CNTN5: variants seen among roughly 807,000 people sequenced by gnomAD.
CNTN5 encodes contactin 5.
In CNTN5, 77 loss-of-function variants were observed where a neutral mutation model predicts 129.1. The observed-to-expected ratio is 0.60, with a 90% CI of 0.50 to 0.72. The LOEUF is 0.72. CNTN5 is among the 30% of genes least tolerant of loss of function. CNTN5 has a pLI of 0.00. For synonymous variants in CNTN5, 509 were observed against 465.6 expected (o/e 1.09, Z -1.20); for missense variants, 1,478 against 1,328.8 (o/e 1.11, Z -1.75).
chr11:99,481,407 T>C (rs1013565471), intron 2 of CNTN5, among the ~76,000 whole-genome samples: 2 of 152,162 alleles, frequency 1.3e-5, no homozygotes, highest in African/African-American at 4.8e-5. Flanking sequence ...ATTTTGTTTT[T>C]GTTCTGTTTT....
At chr11:99,137,808 A>G (rs1397384056) in intron 1 of CNTN5, among the ~76,000 whole-genome samples, 3 of 105,160 alleles carry the variant, frequency 2.9e-5, no homozygotes, top group East Asian at 3.2e-4. Flanking sequence ...GTATACATCA[A>G]TCTGCCAGAA....
intron 3 of CNTN5, among the ~76,000 whole-genome samples, chr11:99,730,972 A>G (rs1943511906): frequency 6.6e-6 from 1 of 152,180 alleles, no homozygotes; most frequent in African/African-American, 2.4e-5. Context: ...AGCCTCTGGT[A>G]ACTATAGTTG....
At chr11:99,791,997 G>T (rs1945760808) in intron 3 of CNTN5, among the ~76,000 whole-genome samples, 2 of 152,086 alleles carry the variant, frequency 1.3e-5, no homozygotes, top group African/African-American at 2.4e-5. Context: ...AAAGGCTTTT[G>T]GTGGGGTCTT....
Position 99,462,303 on chromosome 11 carries a change from GA to G in CNTN5, c.-70-93836del, listed in dbSNP as rs1181516183. Reference sequence around the variant, plus strand: ...AGAAAGAAACAAGAAACAATGGCAGGAAAAAATGTGTAGATTGTCCTTTTTC... The same window carrying G: ...AGAAAGAAACAAGAAACAATGGCAGGAAAAATGTGTAGATTGTCCTTTTTC... On this transcript the variant is annotated intron_variant, in intron 2 of 24. Coordinates refer to ENST00000524871, the MANE Select transcript of CNTN5 (RefSeq NM_014361.4). Among the ~76,000 whole-genome samples, 28 of 150,820 alleles carry G rather than the reference GA, an allele frequency of 1.9e-4. 1 individual carries two copies. Among genetic ancestry groups the G allele is most frequent in the Admixed American group, 9.9e-4 (15 of 15,148 alleles).
At chr11:99,482,335 A>G (rs1033294246) in intron 2 of CNTN5, among the ~76,000 whole-genome samples, 3 of 152,198 alleles carry the variant, frequency 2.0e-5, no homozygotes, top group Non-Finnish European at 4.4e-5. Context: ...GTAATTCTAC[A>G]TTGCTTTAAA....
intron 16 of CNTN5, among the ~76,000 whole-genome samples, chr11:100,240,578 A>G (rs190992059): frequency 5.9e-5 from 9 of 152,320 alleles, no homozygotes; most frequent in Admixed American, 5.9e-4. Flanking sequence ...TGATTTGCTC[A>G]TTTAGTTAAA....
intron 3 of CNTN5, among the ~76,000 whole-genome samples, chr11:99,565,193 C>T (rs1197145343): frequency 1.3e-5 from 2 of 152,080 alleles, no homozygotes; most frequent in Admixed American, 6.5e-5. Context: ...CTAGAAGCCG[C>T]CTCATAACCA....
intron 9 of CNTN5, among the ~76,000 whole-genome samples, chr11:100,036,351 G>C (rs570448295): frequency 5.9e-5 from 9 of 151,972 alleles, no homozygotes; most frequent in Admixed American, 2.6e-4. Context: ...ACCAGTACCA[G>C]GCTATTTTGG....
chr11:99,229,590 T>C (rs1281598701), intron 1 of CNTN5, among the ~76,000 whole-genome samples: 3 of 148,744 alleles, frequency 2.0e-5, no homozygotes, highest in Admixed American at 2.0e-4. Flanking sequence ...TAAAACACAG[T>C]TTATTTCCAG....
At chr11:99,228,340 A>G (rs1423916143) in intron 1 of CNTN5, among the ~76,000 whole-genome samples, 1 of 152,126 alleles carries the variant, frequency 6.6e-6, no homozygotes, top group Non-Finnish European at 1.5e-5. Flanking sequence ...CGTCTGTGTG[A>G]GAGGAGTTTA....
intron 13 of CNTN5, among the ~76,000 whole-genome samples, chr11:100,106,526 T>C (rs1190992861): frequency 6.6e-6 from 1 of 152,188 alleles, no homozygotes; most frequent in Admixed American, 6.5e-5. Flanking sequence ...AAGAAAACTC[T>C]ACCGTTGTAA....
intron 18 of CNTN5, among the ~76,000 whole-genome samples, chr11:100,288,293 A>C (rs552404777): frequency 4.1e-4 from 42 of 101,786 alleles, no homozygotes; most frequent in Middle Eastern, 4.3e-3. Context: ...ACCCCAAATC[A>C]ACAGAATATA....
At chr11:99,828,411 C>T (rs966710673) in intron 4 of CNTN5, among the ~76,000 whole-genome samples, 3 of 152,100 alleles carry the variant, frequency 2.0e-5, no homozygotes, top group Non-Finnish European at 2.9e-5. Context: ...TGGGGACATT[C>T]GTGCTGTGTC....
intron 1 of CNTN5, among the ~76,000 whole-genome samples, chr11:99,023,963 G>C (rs767583135): frequency 6.6e-6 from 1 of 152,110 alleles, no homozygotes. Flanking sequence ...GTTAAGAACC[G>C]TGTTGTAAGG....
intron 1 of CNTN5, among the ~76,000 whole-genome samples, chr11:99,173,293 G>A (rs1857618772): frequency 6.6e-6 from 1 of 152,092 alleles, no homozygotes; most frequent in Non-Finnish European, 1.5e-5. Flanking sequence ...TAATGCTAAG[G>A]TATTCTGGGA....
chr11:100,254,875 A>G (rs948554853), intron 16 of CNTN5, among the ~76,000 whole-genome samples: 1 of 152,228 alleles, frequency 6.6e-6, no homozygotes, highest in African/African-American at 2.4e-5. Flanking sequence ...TGTCCATACT[A>G]TGGAATGGAA....
At chr11:99,307,220 G>A (rs535432351) in intron 1 of CNTN5, among the ~76,000 whole-genome samples, 1 of 152,268 alleles carries the variant, frequency 6.6e-6, no homozygotes, top group African/African-American at 2.4e-5. Flanking sequence ...TAATTATCCA[G>A]CACTAGAACT....
chr11:99,809,663 A>G (rs1475377279), intron 3 of CNTN5, among the ~76,000 whole-genome samples: 2 of 152,168 alleles, frequency 1.3e-5, no homozygotes, highest in Non-Finnish European at 2.9e-5. Flanking sequence ...GATACTGAAC[A>G]TAATGAAACA....
Position 99,382,845 on chromosome 11 carries a change from CTTT to C in CNTN5, c.-71+57389_-71+57391del, listed in dbSNP as rs1163660333. 2.5e-4 allele frequency among the ~76,000 whole-genome samples: 19 copies of C among 77,044 alleles called. No homozygotes were observed. The South Asian group carries it at 2.9e-3, about 12-fold the overall frequency. The allele number at this position is 77,044 out of a possible 152,430, so 50.5% of individuals were successfully genotyped here. On this transcript the variant is annotated intron_variant, in intron 2 of 24. Transcript: ENST00000524871. ...ACATCTCACTAGTGTCTCTAAATAA[CTTT>C]TTTTTTTTTTTTTTTTTTTTTTTTT...
Sources: gnomAD v4.1 joint callset for allele counts (sites outside exome capture counted in the v4.1 genomes callset) on GRCh38, gnomAD v4.1.1 for gene constraint, MANE v1.5 for transcripts, NCBI Gene and HGNC (gene_info 2026-07-23, HGNC 2026-07-21) for gene names.